The following MAST4 variants were observed in gnomAD, a reference collection of about 807,000 sequenced individuals.
MAST4 encodes the protein microtubule-associated serine/threonine-protein kinase 4.
MAST4 carries 89 observed loss-of-function variants against 162.7 expected under a neutral mutation model. The ratio of observed to expected loss-of-function variants is 0.55; its 90% CI spans 0.46 to 0.65. The LOEUF is 0.65. Among genes scored for constraint, MAST4 ranks in the 30% least tolerant of loss-of-function variants. MAST4 has a pLI of 0.00. For synonymous variants in MAST4, 1,479 were observed against 1,361.1 expected (o/e 1.09, Z -1.91); for missense variants, 3,153 against 3,374.0 (o/e 0.93, Z 1.62).
intron 1 of MAST4, among the ~76,000 whole-genome samples, chr5:66,673,116 T>A (rs1381015535): frequency 2.0e-5 from 3 of 152,230 alleles, no homozygotes; most frequent in Non-Finnish European, 4.4e-5. Flanking sequence ...GCCTTTCATA[T>A]CCTTTGGCCA....
chr5:66,609,691 G>GTT (rs796660631), intron 1 of MAST4, among the ~76,000 whole-genome samples: 5 of 117,488 alleles, frequency 4.3e-5, no homozygotes, highest in Admixed American at 1.6e-4. Flanking sequence ...CCAGCCTGGT[G>GTT]TTTTTTTTTT....
chr5:66,858,252 G>A (rs34962873), intron 3 of MAST4, among the ~76,000 whole-genome samples: 1,984 of 152,222 alleles, frequency 0.013, 41 homozygotes, highest in South Asian at 0.086. Flanking sequence ...TGATCCTCCC[G>A]CCTCAGCCTC....
intron 3 of MAST4, among the ~76,000 whole-genome samples, chr5:66,796,861 C>T (rs1755676887): frequency 6.6e-6 from 1 of 152,118 alleles, no homozygotes; most frequent in Non-Finnish European, 1.5e-5. Flanking sequence ...TCTGTAGCAC[C>T]AAGGACAGTG....
chr5:66,627,224 C>T (rs1464572116), intron 1 of MAST4, among the ~76,000 whole-genome samples: 2 of 152,090 alleles, frequency 1.3e-5, no homozygotes, highest in African/African-American at 4.8e-5. Flanking sequence ...CCTTATAAAG[C>T]CATCAGATCT....
At chr5:66,939,235 G>A (rs768880905) in intron 4 of MAST4, among the ~76,000 whole-genome samples, 3 of 152,078 alleles carry the variant, frequency 2.0e-5, no homozygotes, top group Non-Finnish European at 4.4e-5. Context: ...CTGAAATTAA[G>A]AACTCTCTGG....
chr5:67,078,696 A>G (rs1409214783), intron 5 of MAST4, among the ~76,000 whole-genome samples: 2 of 135,768 alleles, frequency 1.5e-5, no homozygotes, highest in Non-Finnish European at 3.1e-5. Context: ...ATATTTATAT[A>G]TTTATATATA....
intron 1 of MAST4, among the ~76,000 whole-genome samples, chr5:66,729,283 T>C (rs1751700740): frequency 1.3e-5 from 2 of 152,220 alleles, no homozygotes; most frequent in Non-Finnish European, 2.9e-5. Flanking sequence ...TGTTAAATGA[T>C]GGAACACATT....
intron 3 of MAST4, among the ~76,000 whole-genome samples, chr5:66,847,928 G>T (rs747284383): frequency 6.6e-6 from 1 of 151,760 alleles, no homozygotes; most frequent in Non-Finnish European, 1.5e-5. Flanking sequence ...TGAAAGGTGA[G>T]GCCAAGACTT....
chr5:66,806,079 C>T (rs947353853), intron 3 of MAST4, among the ~76,000 whole-genome samples: 2 of 152,208 alleles, frequency 1.3e-5, no homozygotes, highest in Non-Finnish European at 2.9e-5. Flanking sequence ...GACTGCACCA[C>T]TTTGCTGGGC....
chr5:66,773,933 A>G (rs76407876), intron 2 of MAST4, among the ~76,000 whole-genome samples: 2 of 152,228 alleles, frequency 1.3e-5, no homozygotes, highest in Non-Finnish European at 2.9e-5. Context: ...AGGATTTTGC[A>G]TAAGGTTGTG....
At chr5:67,080,990 GTATATAT>G (rs1762541927) in intron 5 of MAST4, among the ~76,000 whole-genome samples, 1 of 119,794 alleles carries the variant, frequency 8.3e-6, no homozygotes, top group African/African-American at 3.7e-5. Flanking sequence ...ATATATAATT[GTATATAT>G]TATATAATAT....
intron 3 of MAST4, among the ~76,000 whole-genome samples, chr5:66,868,447 G>T (rs1580710778): frequency 7.0e-6 from 1 of 143,826 alleles, no homozygotes; most frequent in South Asian, 2.2e-4. Context: ...ATATATATGT[G>T]TATATACGTA....
At chr5:66,831,460 A>G (rs1580566587) in intron 3 of MAST4, among the ~76,000 whole-genome samples, 1 of 152,340 alleles carries the variant, frequency 6.6e-6, no homozygotes, top group East Asian at 1.9e-4. Context: ...ATAATGTATT[A>G]TGTGTTTAGT....
At chr5:67,072,472 G>A (rs79170604) in intron 5 of MAST4, among the ~76,000 whole-genome samples, 2,178 of 152,194 alleles carry the variant, frequency 0.014, 32 homozygotes, top group African/African-American at 0.037. Flanking sequence ...AATACCAGAA[G>A]CATTTTGTTA....
At chr5:67,072,620 C>G (rs1229837980) in intron 5 of MAST4, among the ~76,000 whole-genome samples, 1 of 151,886 alleles carries the variant, frequency 6.6e-6, no homozygotes, top group African/African-American at 2.4e-5. Context: ...CTAGAAAATC[C>G]AAGAGAATTC....
intron 1 of MAST4, among the ~76,000 whole-genome samples, chr5:66,639,333 CTG>C (rs1432194178): frequency 7.8e-6 from 1 of 128,540 alleles, no homozygotes; most frequent in East Asian, 2.1e-4. Context: ...AAACAGAAAA[CTG>C]GACAACAACA....
intron 4 of MAST4, chr5:66,902,770 G>A: frequency 2.2e-6 from 1 of 456,188 alleles, no homozygotes; most frequent in South Asian, 1.6e-5. Flanking sequence ...AGGCATTCCA[G>A]CTTCCTAGAC....
chr5:66,643,963 T>C (rs1195359012), intron 1 of MAST4, among the ~76,000 whole-genome samples: 2 of 151,866 alleles, frequency 1.3e-5, no homozygotes, highest in East Asian at 3.9e-4. Flanking sequence ...AGAGTTATAT[T>C]AGTCATTATT....
At chr5:67,040,612 A>G (rs567842910) in intron 4 of MAST4, among the ~76,000 whole-genome samples, 7 of 152,338 alleles carry the variant, frequency 4.6e-5, no homozygotes, top group South Asian at 2.1e-4. Flanking sequence ...GTAAAGCTCC[A>G]TAGCTTGAAC....
Sources: gnomAD v4.1 joint callset for allele counts (sites outside exome capture counted in the v4.1 genomes callset) on GRCh38, gnomAD v4.1.1 for gene constraint, MANE v1.5 for transcripts, NCBI Gene and HGNC (gene_info 2026-07-23, HGNC 2026-07-21) for gene names.